The following MEIS2 variants were observed in gnomAD, a reference collection of about 807,000 sequenced individuals.
The protein encoded by MEIS2 is homeobox protein Meis2.
In MEIS2, 9 loss-of-function variants were observed where a neutral mutation model predicts 58.6. That is an observed-to-expected ratio of 0.15 (90% CI 0.09 to 0.27). The LOEUF (loss-of-function observed/expected upper bound fraction) is 0.27, where lower values mean the gene tolerates loss of function less well. Ranked by LOEUF, MEIS2 falls within the 10% of genes least tolerant of loss-of-function variation. The probability of loss-of-function intolerance (pLI) is 1.00; values close to 1 mark genes in which losing one functional copy is unlikely to be tolerated. For missense variants in MEIS2, 427 were observed against 635.0 expected (o/e 0.67, Z 3.52); for synonymous variants, 221 against 228.4 (o/e 0.97, Z 0.29).
chr15:36,908,143 CCTGA>C (rs1567036349), intron 9 of MEIS2, among the ~76,000 whole-genome samples: 1 of 152,124 alleles, frequency 6.6e-6, no homozygotes. Flanking sequence ...AATAAAATTT[CCTGA>C]CTGCCTTTTC....
chr15:37,089,001 C>T (rs1893214253), intron 6 of MEIS2, among the ~76,000 whole-genome samples: 1 of 152,122 alleles, frequency 6.6e-6, no homozygotes, highest in African/African-American at 2.4e-5. Flanking sequence ...TGAAAACATA[C>T]TCCAACTGCA....
intron 8 of MEIS2, among the ~76,000 whole-genome samples, chr15:36,983,641 ACC>A (rs1315960367): frequency 6.6e-6 from 1 of 151,962 alleles, no homozygotes; most frequent in Non-Finnish European, 1.5e-5. Context: ...CTTTTGTGGT[ACC>A]ATATAATTTT....
Position 37,094,846 on chromosome 15 carries a change from G to A in MEIS2, c.439-269C>T, listed in dbSNP as rs147704809. Among the ~76,000 whole-genome samples the A allele has an allele frequency of 1.3e-4, 19 of 147,468 alleles. No individual in the cohort carries two copies. The East Asian group carries it at 3.9e-3, about 30-fold the overall frequency. ...CCCCCTGATGTTCACTGTGCTATTTGTAAGACTGCTTTCCTCGGGCCAGGC... is the reference window on the plus strand; with the variant it reads ...CCCCCTGATGTTCACTGTGCTATTTATAAGACTGCTTTCCTCGGGCCAGGC... On this transcript the variant is annotated intron_variant, in intron 4 of 11. Coordinates refer to ENST00000561208, the MANE Select transcript of MEIS2 (RefSeq NM_170675.5).
At chr15:36,957,596 T>C (rs2059027520) in intron 8 of MEIS2, among the ~76,000 whole-genome samples, 1 of 152,190 alleles carries the variant, frequency 6.6e-6, no homozygotes, top group Admixed American at 6.5e-5. Context: ...TCTTTCCTCC[T>C]CTCTTGTGTT....
At chr15:36,964,327 T>C (rs1447802395) in intron 8 of MEIS2, among the ~76,000 whole-genome samples, 1 of 152,184 alleles carries the variant, frequency 6.6e-6, no homozygotes, top group Non-Finnish European at 1.5e-5. Flanking sequence ...TCAATAAGTA[T>C]TTTGTAAGGG....
At chr15:37,096,801 G>T (rs916368916) in intron 2 of MEIS2, among the ~76,000 whole-genome samples, 2 of 151,982 alleles carry the variant, frequency 1.3e-5, no homozygotes, top group African/African-American at 4.8e-5. Flanking sequence ...ACCAACCCCT[G>T]AGACCCAGCC....
intron 7 of MEIS2, among the ~76,000 whole-genome samples, chr15:37,039,409 C>T (rs1307293351): frequency 1.3e-5 from 2 of 152,130 alleles, no homozygotes; most frequent in Admixed American, 1.3e-4. Context: ...GTTAAAATCT[C>T]ATTTAGCTTT....
At chr15:36,952,673 G>C (rs1555432972) in intron 8 of MEIS2, among the ~76,000 whole-genome samples, 1 of 151,604 alleles carries the variant, frequency 6.6e-6, no homozygotes, top group Non-Finnish European at 1.5e-5. Context: ...GCGAGAGAGA[G>C]AGAAGGTTTA....
At chr15:36,927,303 AAGTGG>A (rs2057787958) in intron 9 of MEIS2, among the ~76,000 whole-genome samples, 1 of 152,148 alleles carries the variant, frequency 6.6e-6, no homozygotes, top group Admixed American at 6.5e-5. Context: ...GTACAGAAAT[AAGTGG>A]CCTGAGGAAG....
chr15:36,933,595 T>C (rs1433591607), intron 9 of MEIS2, among the ~76,000 whole-genome samples: 1 of 127,414 alleles, frequency 7.8e-6, no homozygotes, highest in Non-Finnish European at 1.6e-5. Context: ...TGTATGTGTG[T>C]GTGTGTGGTG....
At chr15:37,097,079 C>G (rs2140097359) in intron 2 of MEIS2, among the ~76,000 whole-genome samples, 1 of 152,340 alleles carries the variant, frequency 6.6e-6, no homozygotes, top group South Asian at 2.1e-4. Context: ...GACCACATTT[C>G]TCCCAGCGTT....
intron 8 of MEIS2, among the ~76,000 whole-genome samples, chr15:37,031,738 C>G (rs1301811909): frequency 6.6e-6 from 1 of 151,156 alleles, no homozygotes; most frequent in Non-Finnish European, 1.5e-5. Flanking sequence ...GGGGACAAAG[C>G]ATTTTGTCAT....
intron 8 of MEIS2, among the ~76,000 whole-genome samples, chr15:36,986,026 T>C (rs1490294547): frequency 6.6e-6 from 1 of 152,198 alleles, no homozygotes; most frequent in Non-Finnish European, 1.5e-5. Context: ...TTTTTTATTA[T>C]TTCTTGTGTT....
chr15:36,950,991 T>C (rs1299584969), intron 8 of MEIS2, among the ~76,000 whole-genome samples: 1 of 152,184 alleles, frequency 6.6e-6, no homozygotes, highest in Non-Finnish European at 1.5e-5. Flanking sequence ...GATTCTTTCA[T>C]TGTTACTGTT....
intron 8 of MEIS2, among the ~76,000 whole-genome samples, chr15:37,027,872 C>T (rs954971143): frequency 1.3e-5 from 2 of 151,992 alleles, no homozygotes; most frequent in African/African-American, 4.8e-5. Flanking sequence ...CATGTATAGC[C>T]TCCCCATTAT....
intron 8 of MEIS2, among the ~76,000 whole-genome samples, chr15:36,975,892 A>G (rs1039708536): frequency 6.6e-6 from 1 of 152,198 alleles, no homozygotes; most frequent in African/African-American, 2.4e-5. Context: ...AAAATAAAGT[A>G]TGTGAGGGAA....
At chr15:36,964,567 T>G (rs1020023725) in intron 8 of MEIS2, among the ~76,000 whole-genome samples, 2 of 152,312 alleles carry the variant, frequency 1.3e-5, no homozygotes, top group East Asian at 3.9e-4. Flanking sequence ...AATCTGGATT[T>G]TTTTCATGAG....
At chr15:37,095,504 G>T in intron 4 of MEIS2, 60 bp downstream of exon 4, 1 of 1,612,170 alleles carries the variant, frequency 6.2e-7, no homozygotes, top group Non-Finnish European at 8.5e-7. Context: ...CAGAAAGTGG[G>T]TGCTTCTGGG....
intron 9 of MEIS2, among the ~76,000 whole-genome samples, chr15:36,907,946 T>C (rs2056822825): frequency 6.6e-6 from 1 of 151,446 alleles, no homozygotes; most frequent in Non-Finnish European, 1.5e-5. Flanking sequence ...AAATCAAAGA[T>C]CTAAACAATT....
Sources: allele counts gnomAD v4.1 joint callset (sites outside exome capture counted in the v4.1 genomes callset), GRCh38; gene constraint gnomAD v4.1.1; transcripts MANE v1.5; gene names NCBI Gene and HGNC (gene_info 2026-07-23, HGNC 2026-07-21).